BANP: variants seen among roughly 807,000 people sequenced by gnomAD.
The protein encoded by BANP is protein BANP.
A neutral mutation model predicts 68.1 loss-of-function variants in BANP; 11 were observed. The ratio of observed to expected loss-of-function variants is 0.16; its 90% CI spans 0.10 to 0.27. BANP has a LOEUF of 0.27. Among genes scored for constraint, BANP ranks in the 10% least tolerant of loss-of-function variants. The probability of loss-of-function intolerance (pLI) is 1.00; values close to 1 mark genes in which losing one functional copy is unlikely to be tolerated. For missense variants in BANP, 504 were observed against 722.7 expected, an observed-to-expected ratio of 0.70 and a Z score of 3.47; for synonymous variants, 329 against 303.2, an observed-to-expected ratio of 1.09 and a Z score of -0.88.
At chr16:87,971,773 T>C (rs1055028656) in intron 1 of BANP, among the ~76,000 whole-genome samples, 6 of 152,144 alleles carry the variant, frequency 3.9e-5, no homozygotes, top group African/African-American at 1.4e-4. Context: ...ATTACAGTTT[T>C]TGGTATTCCA....
At chr16:88,065,174 G>A in intron 11 of BANP, 93 bp from the exon 12 acceptor site, 1 of 614,200 alleles carries the variant, frequency 1.6e-6, no homozygotes, top group Non-Finnish European at 2.9e-6. Flanking sequence ...CCGGAGGGCA[G>A]AAGCCCATCC....
chr16:88,068,075 C>T (rs980071753), intron 12 of BANP, among the ~76,000 whole-genome samples: 1 of 152,238 alleles, frequency 6.6e-6, no homozygotes, highest in African/African-American at 2.4e-5. Flanking sequence ...CCACGCACTT[C>T]GTTTCCATTT....
rs1373510497 is a variant in BANP, at chr16:88,064,795, G to A, written c.1312-472G>A. Among the ~76,000 whole-genome samples the A allele has an allele frequency of 1.3e-5, 2 of 152,246 alleles. No homozygotes were observed. Among genetic ancestry groups the A allele is most frequent in the Non-Finnish European group, 2.9e-5 (2 of 68,042 alleles). ...GCCCGCAGGGCACTCCTCTGGCTGG[G>A]ATAGGAGACAGCCAGGACCCCTCAG... On this transcript the variant is annotated intron_variant, in intron 11 of 13. Transcript: ENST00000682872. This position sits in a 1 kb window ranked among gnomAD's most constrained non-coding sequence, Gnocchi z 4.5.
chr16:88,064,251 G>C lies in BANP; in HGVS notation c.1312-1016G>C, dbSNP rs920016414. Among the ~76,000 whole-genome samples the C allele has an allele frequency of 2.0e-5, 3 of 152,140 alleles. No individual in the cohort carries two copies. The highest frequency in any genetic ancestry group is 2.9e-5 in the Non-Finnish European group (2 of 68,022). ...CGAGGCGGTGGATGTTGAGGCAGTT[G>C]TGCGTCCACGGCGGGGCCTGCCTCC... is the stretch of plus-strand genomic sequence containing the variant. On this transcript the variant is annotated intron_variant, in intron 11 of 13. Coordinates refer to ENST00000682872, the MANE Select transcript of BANP (RefSeq NM_001386991.1). The surrounding 1 kb of genome is among the most constrained non-coding windows in gnomAD (Gnocchi z 4.5).
chr16:87,951,215 T>C (rs1234765684), upstream of BANP, among the ~76,000 whole-genome samples: 5 of 152,170 alleles, frequency 3.3e-5, no homozygotes, highest in Non-Finnish European at 7.4e-5. Context: ...ACGCAGGCCA[T>C]GGGCGTGGGC....
In BANP at chr16:88,002,851, T is replaced by G. The variant is rs1349679832; in HGVS notation, c.363-1444T>G. Among the ~76,000 whole-genome samples, 1 of 152,224 alleles carries G rather than the reference T, an allele frequency of 6.6e-6. No homozygotes were observed. Among genetic ancestry groups the G allele is most frequent in the Non-Finnish European group, 1.5e-5 (1 of 68,046 alleles). The stretch of plus-strand genomic sequence containing the variant: ...GAATAGTCATTAGGGGACTGTTGGC[T>G]TCTCAGCAGCACCGTCCTTCTTCAG... On this transcript the variant is annotated intron_variant, in intron 4 of 13. Transcript: ENST00000682872. The surrounding 1 kb of genome is among the most constrained non-coding windows in gnomAD (Gnocchi z 4.6).
chr16:87,970,319 A>G (rs1371726567), intron 1 of BANP: 1 of 152,234 alleles, frequency 6.6e-6, no homozygotes, highest in Non-Finnish European at 1.5e-5. Flanking sequence ...TTTGTTCGGT[A>G]GGGGAGCCTC....
chr16:88,002,386 G>A lies in BANP; in HGVS notation c.363-1909G>A, dbSNP rs531597174. 2.6e-5 allele frequency among the ~76,000 whole-genome samples: 4 copies of A among 152,258 alleles called. No homozygotes were observed. The highest frequency in any genetic ancestry group is 2.1e-4 in the South Asian group (1 of 4,816). ...GCCGGTGAGGTGCTGGTTTTGTCAC[G>A]CCCGTGCTGGTGTTCAGGTGGCCCT... On this transcript the variant is annotated intron_variant, in intron 4 of 13. Coordinates refer to ENST00000682872, the MANE Select transcript of BANP (RefSeq NM_001386991.1). This position sits in a 1 kb window ranked among gnomAD's most constrained non-coding sequence, Gnocchi z 4.6.
At position 87,956,346 on chromosome 16, in the gene BANP, C is replaced by A. The variant is rs539576371; in HGVS notation, c.-69+4831C>A. Among the ~76,000 whole-genome samples the A allele has an allele frequency of 2.0e-4, 31 of 152,300 alleles. 1 individual carries two copies. Among genetic ancestry groups the A allele is most frequent in the South Asian group, 1.9e-3 (9 of 4,824 alleles). The stretch of plus-strand genomic sequence containing the variant: ...GAATGAGATGAAAGCTTTAGAAGGT[C>A]CTCCCTGTGCCTGAGGTAGATAAAC... On this transcript the variant is annotated intron_variant, in intron 1 of 13. Coordinates refer to ENST00000682872, the MANE Select transcript of BANP (RefSeq NM_001386991.1).
Position 88,006,224 on chromosome 16 carries a change from G to C in BANP, c.614G>C (p.Ser205Thr). The C allele has an allele frequency of 6.2e-7, 1 of 1,612,488 alleles. No individual in the cohort carries two copies. The highest frequency in any genetic ancestry group is 8.5e-7 in the Non-Finnish European group (1 of 1,179,280). The change falls in exon 6 of 14, where the codon AGC (serine) becomes ACC (threonine). Residue 205 changes from serine to threonine, a missense_variant. Ser to Thr is a moderately conservative substitution (Grantham distance 58, BLOSUM62 1). Around this residue, in one of 3 missense-constraint regions of BANP, gnomAD observed 238 missense variants for 278.9 expected, o/e 0.85. Transcript: ENST00000682872. ...AGCTGTGGGCAGGCGGGCAGTCAGAGCATCGGGAGCAACGTCACGCTCATC... is the reference window on the plus strand; with the variant it reads ...AGCTGTGGGCAGGCGGGCAGTCAGACCATCGGGAGCAACGTCACGCTCATC... Reference protein sequence around the residue: ...VSSCGQAGSQSIGSNVTLITL... With the variant: ...VSSCGQAGSQTIGSNVTLITL...
At chr16:88,029,610 C>CAAAA (rs60313647) in intron 8 of BANP, among the ~76,000 whole-genome samples, 1 of 119,038 alleles carries the variant, frequency 8.4e-6, no homozygotes, top group Non-Finnish European at 1.6e-5. Context: ...GACTCCGTCT[C>CAAAA]AAAAAAAAAA....
At chr16:88,025,919 G>T (rs2076898613) in intron 7 of BANP, among the ~76,000 whole-genome samples, 1 of 152,224 alleles carries the variant, frequency 6.6e-6, no homozygotes, top group African/African-American at 2.4e-5. Context: ...GCATGAGCCA[G>T]CTAGAGAGGC....
rs763914556 is a variant in BANP, at chr16:87,984,129, C to A, written c.232C>A (p.Leu78Met). The change falls in exon 4 of 14, where the codon CTG becomes ATG. Residue 78 changes from leucine (L) to methionine (M), a missense_variant. By Grantham distance (15) the Leu-to-Met change is conservative. Coordinates refer to ENST00000682872, the MANE Select transcript of BANP (RefSeq NM_001386991.1). ...TAGCATTGAAGCCAAATTGCAAGCCCTGGAGGCTACTTGTAAATCCTTAGA... is the reference window on the plus strand; with the variant it reads ...TAGCATTGAAGCCAAATTGCAAGCCATGGAGGCTACTTGTAAATCCTTAGA... ...LDSIEAKLQA[L>M]EATCKSLEEK... 2.5e-6 allele frequency: 4 copies of A among 1,612,920 alleles called. No homozygotes were observed. The highest frequency in any genetic ancestry group is 3.4e-6 in the Non-Finnish European group (4 of 1,179,348).
At chr16:88,060,804 G>T (rs1346674553) in intron 11 of BANP, among the ~76,000 whole-genome samples, 2 of 152,182 alleles carry the variant, frequency 1.3e-5, no homozygotes, top group African/African-American at 4.8e-5. Flanking sequence ...GCAGGCTTGT[G>T]CACGCGTCAT....
rs574097017 is a variant in BANP at position 88,034,544 on chromosome 16, GA to G, written c.1201-774del. ...AGTCATATGAGTGTTTCTTTGATTT[GA>G]AAAACGTTGCCTGCCCTGTTGTGAG... is the stretch of plus-strand genomic sequence containing the variant. On this transcript the variant is annotated intron_variant, in intron 9 of 13. Coordinates refer to ENST00000682872, the MANE Select transcript of BANP (RefSeq NM_001386991.1). 1.6e-4 allele frequency among the ~76,000 whole-genome samples: 25 copies of G among 152,142 alleles called. No individual in the cohort carries two copies. In the South Asian group the frequency reaches 4.1e-3, roughly 25 times the overall value.
In BANP at chr16:87,957,432, T is replaced by G. The variant is rs1867011976; in HGVS notation, c.-69+5917T>G. 6.6e-6 allele frequency among the ~76,000 whole-genome samples: 1 copy of G among 152,220 alleles called. No homozygotes were observed. Among genetic ancestry groups the G allele is most frequent in the Non-Finnish European group, 1.5e-5 (1 of 68,028 alleles). On this transcript the variant is annotated intron_variant, in intron 1 of 13. Coordinates refer to ENST00000682872, the MANE Select transcript of BANP (RefSeq NM_001386991.1). This position sits in a 1 kb window ranked among gnomAD's most constrained non-coding sequence, Gnocchi z 4.3. ...GCTCGTCTGTGTCCACATTCTGTCG[T>G]GGTTGAGACCGGATCCTGTGTGGAC...
intron 11 of BANP, among the ~76,000 whole-genome samples, chr16:88,049,526 C>T (rs1166639974): frequency 6.6e-6 from 1 of 152,106 alleles, no homozygotes; most frequent in African/African-American, 2.4e-5. Flanking sequence ...AGGACCCTCT[C>T]ATGGGAGGGT....
At chr16:87,968,815 C>T (rs146929561) in intron 1 of BANP, among the ~76,000 whole-genome samples, 2,457 of 152,250 alleles carry the variant, frequency 0.016, 31 homozygotes, top group Non-Finnish European at 0.024. Flanking sequence ...GGAATGGACC[C>T]TCCCCCCACA....
At chr16:87,962,898 A>G (rs1315157544) in intron 1 of BANP, among the ~76,000 whole-genome samples, 2 of 152,244 alleles carry the variant, frequency 1.3e-5, no homozygotes, top group Non-Finnish European at 2.9e-5. Flanking sequence ...CACATGTCTC[A>G]GTTTAATAAA....
Sources: gnomAD v4.1 joint callset for allele counts (sites outside exome capture counted in the v4.1 genomes callset) on GRCh38, gnomAD v4.1.1 for gene constraint, gnomAD v4.1.1 regional missense constraint, Gnocchi (gnomAD v3.1) non-coding constraint, MANE v1.5 for transcripts, NCBI Gene and HGNC (gene_info 2026-07-23, HGNC 2026-07-21) for gene names.